The following TTC39A variants were observed in gnomAD, a reference collection of about 807,000 sequenced individuals.
TTC39A encodes tetratricopeptide repeat protein 39A.
TTC39A carries 46 observed loss-of-function variants against 82.3 expected under a neutral mutation model. That is an observed-to-expected ratio of 0.56 (90% CI 0.44 to 0.71). The LOEUF is 0.71. Ranked by LOEUF, TTC39A falls within the 30% of genes least tolerant of loss-of-function variation. The probability of loss-of-function intolerance (pLI) is 0.00; values close to 1 mark genes in which losing one functional copy is unlikely to be tolerated. For missense variants in TTC39A, 543 were observed against 712.9 expected (o/e 0.76, Z 2.71); for synonymous variants, 254 against 275.2 (o/e 0.92, Z 0.76).
chr1:51,317,448 C>T (rs953027651), intron 2 of TTC39A, among the ~76,000 whole-genome samples: 7 of 152,078 alleles, frequency 4.6e-5, no homozygotes, highest in African/African-American at 1.2e-4. Context: ...TGGAGGAAAA[C>T]TGTTAAAAAG....
Position 51,294,463 on chromosome 1 carries a change from T to C in TTC39A, c.1194A>G (p.Thr398=). Residue 398 remains threonine (T), a synonymous_variant, in exon 14 of 18, where the codon ACA becomes ACG. Transcript: ENST00000680483. This position sits in a 1 kb window ranked among gnomAD's most constrained non-coding sequence, Gnocchi z 4.3. ...KLKIAGKSLP[T]EKFAIRKSRR... is the part of the protein sequence containing the mutation. ...GGGACTTCCGGATGGCAAACTTCTC[T>C]GTGGGTAGAGATTTCCCAGCAATCT... is the stretch of plus-strand genomic sequence containing the variant. 1 of 1,613,992 alleles carries C rather than the reference T, an allele frequency of 6.2e-7. No homozygotes were observed. Among genetic ancestry groups the C allele is most frequent in the Non-Finnish European group, 8.5e-7 (1 of 1,179,880 alleles).
At chr1:51,319,137 TA>T (rs1645399982) in intron 2 of TTC39A, among the ~76,000 whole-genome samples, 1 of 151,904 alleles carries the variant, frequency 6.6e-6, no homozygotes, top group Admixed American at 6.6e-5. Context: ...ATTCCAAATA[TA>T]GATATAAAGA....
rs150147716 is a variant in TTC39A at position 51,301,727 on chromosome 1, G to A, written c.898C>T (p.Arg300Trp). ...GCCTCACAGCACTCCTCGAAACGCC[G>A]GATGGCCTGCAGGCACCTTCTGGTC... The part of the protein sequence containing the change: ...VIKGNIDAAI[R>W]RFEECCEAQQ... The change falls in exon 12 of 18, where the codon CGG (arginine) becomes TGG (tryptophan). Residue 300 changes from arginine to tryptophan, a missense_variant. Coordinates refer to ENST00000680483, the MANE Select transcript of TTC39A (RefSeq NM_001297663.2). The A allele has an allele frequency of 7.5e-4, 1,201 of 1,604,274 alleles. 7 individuals carry two copies. In the Middle Eastern group the frequency reaches 0.017, roughly 22 times the overall value.
At chr1:51,301,536 G>A in intron 12 of TTC39A, 36 bp downstream of exon 12, 1 of 1,557,528 alleles carries the variant, frequency 6.4e-7, no homozygotes, top group Non-Finnish European at 8.7e-7. Flanking sequence ...GTCAGCCCTG[G>A]TCACCCAATG....
At chr1:51,326,611 C>A (rs992406886) in intron 1 of TTC39A, among the ~76,000 whole-genome samples, 1 of 152,188 alleles carries the variant, frequency 6.6e-6, no homozygotes, top group Non-Finnish European at 1.5e-5. Flanking sequence ...CCAGCAGGCA[C>A]CCTTATCTGT....
rs955879326 is a variant in TTC39A at position 51,321,138 on chromosome 1, T to C, written c.146+583A>G. ...ATCCACCCGCCTTGGCCTCCCAAAG[T>C]GCTGGGATTACAAGCGTGAGCCACC... On this transcript the variant is annotated intron_variant, in intron 2 of 17. Coordinates refer to ENST00000680483, the MANE Select transcript of TTC39A (RefSeq NM_001297663.2). This position sits in a 1 kb window ranked among gnomAD's most constrained non-coding sequence, Gnocchi z 4.6. 6.6e-6 allele frequency among the ~76,000 whole-genome samples: 1 copy of C among 152,216 alleles called. No individual in the cohort carries two copies. Among genetic ancestry groups the C allele is most frequent in the Non-Finnish European group, 1.5e-5 (1 of 68,032 alleles).
chr1:51,310,632 G>T lies in TTC39A; in HGVS notation c.423+622C>A, dbSNP rs369982691. ...GTTCTCATTATAACCCAGGCTTTCA[G>T]GCAAAAGCATGCAGTGATCGTTCTC... On this transcript the variant is annotated intron_variant, in intron 5 of 17. Coordinates refer to ENST00000680483, the MANE Select transcript of TTC39A (RefSeq NM_001297663.2). 3.2e-4 allele frequency among the ~76,000 whole-genome samples: 49 copies of T among 152,226 alleles called. No individual in the cohort carries two copies. The East Asian group carries it at 8.1e-3, about 25-fold the overall frequency.
intron 8 of TTC39A, among the ~76,000 whole-genome samples, chr1:51,304,015 C>T (rs959177711): frequency 1.1e-4 from 16 of 152,260 alleles, no homozygotes; most frequent in Admixed American, 8.5e-4. Flanking sequence ...CACTGAGTCA[C>T]GGTGAGGGTT....
intron 2 of TTC39A, among the ~76,000 whole-genome samples, chr1:51,317,089 T>C (rs558388903): frequency 3.9e-5 from 6 of 152,320 alleles, no homozygotes; most frequent in Non-Finnish European, 7.3e-5. Context: ...GCATGACTTA[T>C]GGAAAGCAGA....
At position 51,288,734 on chromosome 1, in the gene TTC39A, T is replaced by G. The variant is rs1644085814; in HGVS notation, c.1610+105A>C. On this transcript the variant is annotated intron_variant, in intron 17 of 17. Transcript: ENST00000680483. This position sits in a 1 kb window ranked among gnomAD's most constrained non-coding sequence, Gnocchi z 4.8. ...ACCCTCTAGACTGCCAGACTGGCCT[T>G]GCTAGCAACTCCACTCACTGCTCTC... 2 of 1,066,424 alleles carry G rather than the reference T, an allele frequency of 1.9e-6. No individual in the cohort carries two copies. The highest frequency in any genetic ancestry group is 2.8e-6 in the Non-Finnish European group (2 of 722,520). The allele number at this position is 1,066,424 out of a possible 1,614,324, so 66.1% of individuals were successfully genotyped here.
rs1645520148 is a variant in TTC39A at position 51,321,584 on chromosome 1, T to A, written c.146+137A>T. 1.3e-6 allele frequency: 1 copy of A among 740,846 alleles called. No individual in the cohort carries two copies. The highest frequency in any genetic ancestry group is 1.8e-5 in the South Asian group (1 of 56,736). The allele number at this position is 740,846 out of a possible 1,614,324, so 45.9% of individuals were successfully genotyped here. Reference sequence around the variant, plus strand: ...CCGTGGAATGGAGCTTGAGCCATTTTTATGGGACTTCTCAGAGGTCCTGGT... The same window carrying A: ...CCGTGGAATGGAGCTTGAGCCATTTATATGGGACTTCTCAGAGGTCCTGGT... On this transcript the variant is annotated intron_variant, in intron 2 of 17. Coordinates refer to ENST00000680483, the MANE Select transcript of TTC39A (RefSeq NM_001297663.2). This position sits in a 1 kb window ranked among gnomAD's most constrained non-coding sequence, Gnocchi z 4.6.
At chr1:51,333,965 CTTAT>C (rs1645942879), upstream of TTC39A, among the ~76,000 whole-genome samples, 1 of 152,122 alleles carries the variant, frequency 6.6e-6, no homozygotes, top group Non-Finnish European at 1.5e-5. Flanking sequence ...CATGGATTAT[CTTAT>C]TTAATTTTCA....
chr1:51,343,603 C>A (rs1187099456), intron 1 of TTC39A, among the ~76,000 whole-genome samples: 1 of 152,186 alleles, frequency 6.6e-6, no homozygotes. Flanking sequence ...TTGTTTATGT[C>A]TCTCTTACTA....
intron 6 of TTC39A, among the ~76,000 whole-genome samples, chr1:51,308,225 A>C (rs1325958386): frequency 6.8e-6 from 1 of 146,010 alleles, no homozygotes; most frequent in Non-Finnish European, 1.5e-5. Flanking sequence ...CTCTCTATAA[A>C]CCTCTTGCCG....
chr1:51,301,413 G>T, intron 12 of TTC39A, 159 bp downstream of exon 12: 1 of 894,086 alleles, frequency 1.1e-6, no homozygotes. Flanking sequence ...TTTCTCTTGT[G>T]GTCTTTAGTT....
intron 1 of TTC39A, among the ~76,000 whole-genome samples, chr1:51,329,473 G>T (rs184336335): frequency 6.6e-4 from 101 of 152,312 alleles, no homozygotes; most frequent in African/African-American, 2.3e-3. Context: ...CCCAGGCCAG[G>T]GTGTCCCCCA....
intron 11 of TTC39A, chr1:51,302,022 C>A (rs1447846891): frequency 1.5e-6 from 1 of 686,842 alleles, no homozygotes; most frequent in South Asian, 1.6e-5. Context: ...GGGGAGGTAC[C>A]AGACTCCAGC....
intron 12 of TTC39A, chr1:51,301,038 G>A (rs1282318099): frequency 6.6e-6 from 1 of 152,554 alleles, no homozygotes; most frequent in African/African-American, 2.4e-5. Flanking sequence ...GACCAAGCCA[G>A]ACGACATCAT....
intron 1 of TTC39A, among the ~76,000 whole-genome samples, chr1:51,337,587 C>A (rs1240626462): frequency 6.6e-6 from 1 of 151,944 alleles, no homozygotes; most frequent in Non-Finnish European, 1.5e-5. Context: ...CCACCATGCC[C>A]AGCTAATTTT....
Sources: allele counts gnomAD v4.1 joint callset (sites outside exome capture counted in the v4.1 genomes callset), GRCh38; gene constraint gnomAD v4.1.1; non-coding constraint Gnocchi (gnomAD v3.1); transcripts MANE v1.5; gene names NCBI Gene and HGNC (gene_info 2026-07-23, HGNC 2026-07-21).